The following MED13 variants were observed in gnomAD, a reference collection of about 807,000 sequenced individuals.
MED13 encodes the protein mediator complex subunit 13.
MED13 carries 23 observed loss-of-function variants against 225.2 expected under a neutral mutation model. The ratio of observed to expected loss-of-function variants is 0.10; its 90% CI spans 0.07 to 0.14. The LOEUF is 0.14. MED13 is among the 10% of genes least tolerant of loss of function. The pLI, the probability that MED13 is intolerant of heterozygous loss-of-function variation, is 1.00. For synonymous variants in MED13, 942 were observed against 889.2 expected, an observed-to-expected ratio of 1.06 and a Z score of -1.06; for missense variants, 2,197 against 2,594.5, an observed-to-expected ratio of 0.85 and a Z score of 3.33.
intron 23 of MED13, among the ~76,000 whole-genome samples, chr17:61,957,120 C>G (rs1185622309): frequency 6.6e-6 from 1 of 152,058 alleles, no homozygotes; most frequent in African/African-American, 2.4e-5. Context: ...AATCTCGGCT[C>G]ACTGCAACCT....
At chr17:62,037,188 G>A (rs1010327874) in intron 3 of MED13, among the ~76,000 whole-genome samples, 1 of 152,074 alleles carries the variant, frequency 6.6e-6, no homozygotes, top group African/African-American at 2.4e-5. Context: ...ACGATGTGGA[G>A]GCTGCAGTGA....
chr17:62,010,624 A>G lies in MED13; in HGVS notation c.1893T>C (p.Pro631=). ...CCTTGAATTTATCACTTGGAAGTTG[A>G]GGTGGTAAAAACTCTACATCTTTTT... ...PKKKDVEFLP[P]QLPSDKFKDD... is the part of the protein sequence containing the mutation. The change falls in exon 9 of 30, where the codon CCT becomes CCC. Residue 631 remains proline, a synonymous_variant. Coordinates refer to ENST00000397786, the MANE Select transcript of MED13 (RefSeq NM_005121.3). 6.7e-7 allele frequency: 1 copy of G among 1,492,540 alleles called. No homozygotes were observed. The highest frequency in any genetic ancestry group is 8.9e-7 in the Non-Finnish European group (1 of 1,120,218). 92.5% of individuals were successfully genotyped at this position (1,492,540 alleles called of 1,614,324 possible).
rs753525183 is a variant in MED13, at chr17:61,961,808, G to C, written c.5065-29C>G. On this transcript the variant is annotated intron_variant, in intron 21 of 29. Transcript: ENST00000397786. Reference sequence around the variant, plus strand: ...AGAAGTATAGGCAAATATTACAAATGTTAAACTTCCAAAAGAGAATAACAG... The same window carrying C: ...AGAAGTATAGGCAAATATTACAAATCTTAAACTTCCAAAAGAGAATAACAG... 1.3e-5 allele frequency: 21 copies of C among 1,589,236 alleles called. No homozygotes were observed. In the African/African-American group the frequency reaches 2.3e-4, roughly 17 times the overall value.
Position 62,063,084 on chromosome 17 carries a change from A to T in MED13, c.284T>A (p.Ile95Asn). 1 of 1,613,956 alleles carries T rather than the reference A, an allele frequency of 6.2e-7. No homozygotes were observed. Among genetic ancestry groups the T allele is most frequent in the Non-Finnish European group, 8.5e-7 (1 of 1,179,892 alleles). The change falls in exon 2 of 30, where the codon ATT (isoleucine) becomes AAT (asparagine). Residue 95 changes from isoleucine to asparagine, a missense_variant. Physicochemically the swap from Ile to Asn is moderately radical, Grantham distance 149. This residue lies in a region of MED13 where 884 missense variants were observed against 918.5 expected (regional missense o/e 0.96). Coordinates refer to ENST00000397786, the MANE Select transcript of MED13 (RefSeq NM_005121.3). ...WGEDPSFADL[I>N]HHDLSEEEDG... Reference sequence around the variant, plus strand: ...TCTTTCACCTGATAAGTCATGGTGAATAAGGTCAGCAAAACTGGGGTCTTC... The same window carrying T: ...TCTTTCACCTGATAAGTCATGGTGATTAAGGTCAGCAAAACTGGGGTCTTC...
chr17:62,010,633 A>G lies in MED13; in HGVS notation c.1884T>C (p.Phe628=), dbSNP rs2080498039. The G allele has an allele frequency of 2.7e-6, 4 of 1,493,532 alleles. No individual in the cohort carries two copies. In the South Asian group the frequency reaches 5.8e-5, roughly 22 times the overall value. The allele number at this position is 1,493,532 out of a possible 1,614,324, so 92.5% of individuals were successfully genotyped here. A position where few individuals can be genotyped will look rare whatever the true frequency, so the allele number is the denominator to read the frequency against. ...TATCACTTGGAAGTTGAGGTGGTAA[A>G]AACTCTACATCTTTTTTCTTTGGGA... ...YKFPKKKDVE[F]LPPQLPSDKF... is the part of the protein sequence containing the mutation. The change falls in exon 9 of 30, where the codon TTT becomes TTC. Residue 628 remains phenylalanine (F), a synonymous_variant. Transcript: ENST00000397786.
At chr17:62,028,141 G>C (rs932136178) in intron 8 of MED13, among the ~76,000 whole-genome samples, 1 of 152,098 alleles carries the variant, frequency 6.6e-6, no homozygotes, top group African/African-American at 2.4e-5. Context: ...CAAAGACATG[G>C]AATCAACCTA....
At position 62,010,763 on chromosome 17, in the gene MED13, G is replaced by T; in HGVS notation, c.1754C>A (p.Ser585Tyr). ...MEDRIDSLSQ[S>Y]FPPQYQEAVE... ...AGCTTCCTGATATTGAGGTGGGAAA[G>T]ACTGGGACAAACTGTCTATCCTATC... The change falls in exon 9 of 30, where the codon TCT becomes TAT. Residue 585 changes from serine to tyrosine, a missense_variant. Physicochemically the swap from Ser to Tyr is moderately radical, Grantham distance 144 (BLOSUM62 -2). This residue lies in a region of MED13 where 884 missense variants were observed against 918.5 expected (regional missense o/e 0.96). Coordinates refer to ENST00000397786, the MANE Select transcript of MED13 (RefSeq NM_005121.3). 6.2e-7 allele frequency: 1 copy of T among 1,614,158 alleles called. No individual in the cohort carries two copies. Among genetic ancestry groups the T allele is most frequent in the Non-Finnish European group, 8.5e-7 (1 of 1,180,012 alleles).
chr17:61,975,298 T>C (rs965491948), intron 16 of MED13, among the ~76,000 whole-genome samples: 10 of 152,082 alleles, frequency 6.6e-5, no homozygotes, highest in Admixed American at 5.2e-4. Flanking sequence ...GCAAAAAATC[T>C]GAAAAGTCAT....
intron 8 of MED13, among the ~76,000 whole-genome samples, chr17:62,026,064 G>A (rs1361813004): frequency 6.6e-6 from 1 of 152,144 alleles, no homozygotes; most frequent in Non-Finnish European, 1.5e-5. Context: ...TCACTTCCAT[G>A]AGAAAGACAG....
At chr17:61,950,415 A>T (rs979415891) in intron 28 of MED13, among the ~76,000 whole-genome samples, 1 of 151,164 alleles carries the variant, frequency 6.6e-6, no homozygotes, top group Non-Finnish European at 1.5e-5. Flanking sequence ...AGAGTCTCAG[A>T]TATTGTCACC....
intron 12 of MED13, among the ~76,000 whole-genome samples, chr17:61,985,431 T>C (rs868672840): frequency 1.8e-4 from 28 of 152,298 alleles, no homozygotes; most frequent in African/African-American, 6.5e-4. Context: ...CCCAGCACTT[T>C]GGGAGGCTGA....
At chr17:62,032,968 G>A (rs1015850954) in intron 5 of MED13, among the ~76,000 whole-genome samples, 11 of 152,048 alleles carry the variant, frequency 7.2e-5, no homozygotes, top group African/African-American at 2.4e-4. Context: ...TGGCCAACAC[G>A]GCAAAACCCC....
chr17:62,024,601 T>C (rs771184069), intron 8 of MED13, among the ~76,000 whole-genome samples: 4 of 152,158 alleles, frequency 2.6e-5, no homozygotes, highest in Non-Finnish European at 2.9e-5. Flanking sequence ...GGTAAACTCA[T>C]GTCATGGGGG....
At chr17:61,975,609 T>C (rs682166) in intron 16 of MED13, among the ~76,000 whole-genome samples, 151,958 of 152,338 alleles carry the variant, frequency 1, 75,790 homozygotes, top group Non-Finnish European at 1. Flanking sequence ...ATCCCAGCTA[T>C]CAGGGAGGCT....
intron 20 of MED13, among the ~76,000 whole-genome samples, chr17:61,964,741 G>C (rs1237885251): frequency 1.3e-5 from 2 of 152,114 alleles, no homozygotes; most frequent in Non-Finnish European, 2.9e-5. Context: ...TTTGAGACCA[G>C]CCTGGTCAAC....
intron 2 of MED13, among the ~76,000 whole-genome samples, chr17:62,058,807 G>A (rs4422036): frequency 0.16 from 24,398 of 152,090 alleles, 2,404 homozygotes; most frequent in East Asian, 0.5. Context: ...TTTGCTCAAC[G>A]GTATTGACTT....
intron 3 of MED13, among the ~76,000 whole-genome samples, chr17:62,041,834 T>C (rs1256198523): frequency 6.6e-6 from 1 of 152,198 alleles, no homozygotes; most frequent in Non-Finnish European, 1.5e-5. Context: ...CCTCCTGTCT[T>C]GGCCTCCCAA....
In MED13 at chr17:61,955,513, G is replaced by A; in HGVS notation, c.5837C>T (p.Thr1946Ile). Residue 1946 changes from threonine to isoleucine, a missense_variant, in exon 26 of 30, where the codon ACA becomes ATA. Transcript: ENST00000397786. ...FGRSTTLNMQ[T>I]SQLNTPQDTS... ...ATCCTGTGGGGTATTTAGCTGAGAT[G>A]TCTGCATATTTAGAGTCGTGCTTCT... 6.3e-7 allele frequency: 1 copy of A among 1,591,766 alleles called. No individual in the cohort carries two copies. Among genetic ancestry groups the A allele is most frequent in the Non-Finnish European group, 8.5e-7 (1 of 1,172,620 alleles).
At chr17:61,955,339 G>C in intron 26 of MED13, 43 bp downstream of exon 26, 1 of 1,393,338 alleles carries the variant, frequency 7.2e-7, no homozygotes, top group Non-Finnish European at 9.6e-7. Flanking sequence ...AATTTATTTT[G>C]GGGGGTATTC....
Sources: allele counts gnomAD v4.1 joint callset (sites outside exome capture counted in the v4.1 genomes callset), GRCh38; gene constraint gnomAD v4.1.1; regional missense constraint gnomAD v4.1.1; transcripts MANE v1.5; gene names NCBI Gene and HGNC (gene_info 2026-07-23, HGNC 2026-07-21).